The following FAM161A variants were observed in gnomAD, a reference collection of about 807,000 sequenced individuals.
FAM161A encodes the protein protein FAM161A.
A neutral mutation model predicts 70.9 loss-of-function variants in FAM161A; 57 were observed. That is an observed-to-expected ratio of 0.80 (90% confidence interval 0.65 to 1.00). FAM161A has a LOEUF of 1.00. Among genes scored for constraint, FAM161A ranks in the 50% least tolerant of loss-of-function variants. The probability of loss-of-function intolerance (pLI) is 0.00; values close to 1 mark genes in which losing one functional copy is unlikely to be tolerated. For synonymous variants in FAM161A, 299 were observed against 295.7 expected (o/e 1.01, Z -0.12); for missense variants, 880 against 836.0 (o/e 1.05, Z -0.65).
Position 61,838,724 on chromosome 2 carries a change from G to A in FAM161A, c.1584-19C>T, listed in dbSNP as rs1672868038. 6.5e-7 allele frequency: 1 copy of A among 1,549,434 alleles called. No homozygotes were observed. Among genetic ancestry groups the A allele is most frequent in the African/African-American group, 1.4e-5 (1 of 72,904 alleles). On this transcript the variant is annotated intron_variant, in intron 3 of 6. Transcript: ENST00000404929. Reference sequence around the variant, plus strand: ...TGATCTCCTGAGGGTAACAAACTAAGGCTTAATCCACTTTAAGCCAATCAG... The same window carrying A: ...TGATCTCCTGAGGGTAACAAACTAAAGCTTAATCCACTTTAAGCCAATCAG...
At chr2:61,823,673 A>T (rs1672259789), downstream of FAM161A, among the ~76,000 whole-genome samples, 2 of 152,160 alleles carry the variant, frequency 1.3e-5, no homozygotes, top group Non-Finnish European at 1.5e-5. Context: ...GACTTCCATC[A>T]TATTTATAGA....
chr2:61,827,483 G>A (rs185585196), intron 5 of FAM161A, among the ~76,000 whole-genome samples: 1 of 151,862 alleles, frequency 6.6e-6, no homozygotes, highest in African/African-American at 2.4e-5. Flanking sequence ...GGTGGTGGCC[G>A]CCTGTAGTCC....
At chr2:61,837,684 G>A (rs1298315951) in intron 4 of FAM161A, among the ~76,000 whole-genome samples, 1 of 152,068 alleles carries the variant, frequency 6.6e-6, no homozygotes, top group Non-Finnish European at 1.5e-5. Context: ...CAGGAGAATC[G>A]CTTGAACTCG....
In FAM161A at chr2:61,840,238, T is replaced by C. The variant is rs370349514; in HGVS notation, c.766A>G (p.Met256Val). The C allele has an allele frequency of 2.5e-6, 4 of 1,613,926 alleles. No homozygotes were observed. The highest frequency in any genetic ancestry group is 2.7e-5 in the African/African-American group (2 of 74,908). ...IREQKKKEES[M>V]KSKSDIEMVH... ...ATTTCGATATCTGATTTAGATTTCATGGACTCTTCTTTTTTCTTCTGTTCT... is the reference window on the plus strand; with the variant it reads ...ATTTCGATATCTGATTTAGATTTCACGGACTCTTCTTTTTTCTTCTGTTCT... Residue 256 changes from methionine (M) to valine (V), a missense_variant, in exon 3 of 7, where the codon ATG (methionine) becomes GTG (valine). Coordinates refer to ENST00000404929, the MANE Select transcript of FAM161A (RefSeq NM_001201543.2).
the FAM161A span, among the ~76,000 whole-genome samples, chr2:61,806,762 G>A: frequency 2.3e-5 from 3 of 127,834 alleles, no homozygotes; most frequent in Non-Finnish European, 4.6e-5. Flanking sequence ...GCGCCATCTC[G>A]GCTCACTGCA....
chr2:61,824,193 ATT>A (rs5831622), downstream of FAM161A, among the ~76,000 whole-genome samples: 84 of 127,786 alleles, frequency 6.6e-4, no homozygotes, highest in Middle Eastern at 4.0e-3. Context: ...CGCCTGGCTA[ATT>A]TTTTTTTTTT....
chr2:61,827,079 C>T, intron 6 of FAM161A, 25 bp downstream of exon 6: 1 of 1,610,938 alleles, frequency 6.2e-7, no homozygotes, highest in Non-Finnish European at 8.5e-7. Flanking sequence ...AAAGGTAAGC[C>T]ATTCAGACAT....
chr2:61,801,810 C>G, the FAM161A span, among the ~76,000 whole-genome samples: 1 of 152,076 alleles, frequency 6.6e-6, no homozygotes, highest in African/African-American at 2.4e-5. Flanking sequence ...ATCCGCCTGC[C>G]TCAGCCTCCC....
intron 4 of FAM161A, among the ~76,000 whole-genome samples, chr2:61,837,150 G>T (rs545130894): frequency 1.3e-5 from 2 of 152,112 alleles, no homozygotes; most frequent in East Asian, 3.8e-4. Context: ...TTACAGATGT[G>T]AGCCATGGCA....
chr2:61,822,876 C>T (rs781096329), downstream of FAM161A, among the ~76,000 whole-genome samples: 2 of 151,994 alleles, frequency 1.3e-5, no homozygotes, highest in Non-Finnish European at 2.9e-5. Flanking sequence ...AGGCATGAGC[C>T]GCTGCACCCG....
intron 2 of FAM161A, among the ~76,000 whole-genome samples, chr2:61,840,902 CG>C (rs1303559558): frequency 6.6e-6 from 1 of 152,112 alleles, no homozygotes; most frequent in Non-Finnish European, 1.5e-5. Flanking sequence ...TGCCTGCCTC[CG>C]CCTCCCAAAG....
rs1232708274 is a variant in FAM161A, at chr2:61,825,547, A to G, written c.*908T>C. 2.3e-6 allele frequency: 1 copy of G among 439,052 alleles called. No homozygotes were observed. Among genetic ancestry groups the G allele is most frequent in the Non-Finnish European group, 4.5e-6 (1 of 223,188 alleles). The allele number at this position is 439,052 out of a possible 1,614,324, so 27.2% of individuals were successfully genotyped here. A position where few individuals can be genotyped will look rare whatever the true frequency, so the allele number is the denominator to read the frequency against. On this transcript the variant is annotated 3_prime_UTR_variant, in exon 7 of 7. Coordinates refer to ENST00000404929, the MANE Select transcript of FAM161A (RefSeq NM_001201543.2). ...ATAATTTGGACTAGAACTAAGGATA[A>G]AAAGAAAAAGGGATGATGGTGTAGA...
At chr2:61,843,731 T>C (rs548898367) in intron 1 of FAM161A, among the ~76,000 whole-genome samples, 1 of 152,340 alleles carries the variant, frequency 6.6e-6, no homozygotes, top group South Asian at 2.1e-4. Flanking sequence ...GTGGTATTTT[T>C]GTTTCCCACT....
chr2:61,807,699 G>C, the FAM161A span, among the ~76,000 whole-genome samples: 28 of 149,034 alleles, frequency 1.9e-4, no homozygotes, highest in Non-Finnish European at 3.3e-4. Context: ...GAGTGCAGTG[G>C]CGTGAATCAT....
At chr2:61,841,650 G>T (rs189319309) in intron 2 of FAM161A, among the ~76,000 whole-genome samples, 1 of 152,136 alleles carries the variant, frequency 6.6e-6, no homozygotes, top group Non-Finnish European at 1.5e-5. Flanking sequence ...TGCAAGCATC[G>T]CTGACTGACT....
chr2:61,839,900 A>G lies in FAM161A; in HGVS notation c.1104T>C (p.Thr368=), dbSNP rs750510427. 4.3e-6 allele frequency: 7 copies of G among 1,614,220 alleles called. No homozygotes were observed. The South Asian group carries it at 7.7e-5, about 18-fold the overall frequency. The part of the protein sequence containing the change: ...RPIPRSTYGS[T]TNDKLKEEEL... The stretch of plus-strand genomic sequence containing the variant: ...CTTCTTCTTTTAACTTGTCATTGGT[A>G]GTTGAACCATAAGTAGATCGAGGAA... The change falls in exon 3 of 7, where the codon ACT becomes ACC. Residue 368 remains threonine (T), a synonymous_variant. Coordinates refer to ENST00000404929, the MANE Select transcript of FAM161A (RefSeq NM_001201543.2).
downstream of FAM161A, chr2:61,820,608 G>C (rs1163107110): frequency 2.6e-5 from 17 of 665,722 alleles, no homozygotes; most frequent in Non-Finnish European, 4.7e-5. Context: ...TGGTATTAAG[G>C]GGTTATTCTT....
intron 5 of FAM161A, among the ~76,000 whole-genome samples, chr2:61,830,778 G>C (rs1291760533): frequency 6.6e-6 from 1 of 151,124 alleles, no homozygotes; most frequent in Non-Finnish European, 1.5e-5. Flanking sequence ...CAAAGTGTTG[G>C]GATTACAGGG....
At chr2:61,838,888 A>ATTTT (rs962221306) in intron 3 of FAM161A, among the ~76,000 whole-genome samples, 183 bp from the exon 4 acceptor site, 4,921 of 118,006 alleles carry the variant, frequency 0.042, 134 homozygotes, top group African/African-American at 0.064. Context: ...TTATTTATTT[A>ATTTT]TTTATTTTTT....
Sources: gnomAD v4.1 joint callset for allele counts (sites outside exome capture counted in the v4.1 genomes callset) on GRCh38, gnomAD v4.1.1 for gene constraint, MANE v1.5 for transcripts, NCBI Gene and HGNC (gene_info 2026-07-23, HGNC 2026-07-21) for gene names.